The following FAF1 variants were observed in gnomAD, a reference collection of about 807,000 sequenced individuals.
FAF1 encodes FAS-associated factor 1.
Under a neutral mutation model 92.5 loss-of-function variants are expected in FAF1, and 25 were observed. The ratio of observed to expected loss-of-function variants is 0.27; its 90% CI spans 0.20 to 0.38. The LOEUF (loss-of-function observed/expected upper bound fraction) is 0.38, where lower values mean the gene tolerates loss of function less well. FAF1 is among the 10% of genes least tolerant of loss of function. FAF1 has a pLI of 1.00. For synonymous variants in FAF1, 234 were observed against 273.2 expected (o/e 0.86, Z 1.42); for missense variants, 636 against 793.3 (o/e 0.80, Z 2.38).
intron 15 of FAF1, among the ~76,000 whole-genome samples, chr1:50,520,683 C>T (rs1647453478): frequency 6.6e-6 from 1 of 152,198 alleles, no homozygotes; most frequent in Admixed American, 6.5e-5. Flanking sequence ...CCCAACTCTA[C>T]TAAAAATACA....
At chr1:50,636,529 T>G (rs76908108) in intron 8 of FAF1, among the ~76,000 whole-genome samples, 1 of 151,922 alleles carries the variant, frequency 6.6e-6, no homozygotes, top group Non-Finnish European at 1.5e-5. Context: ...AGGACTACTA[T>G]ACTTTTAGTA....
chr1:50,772,260 T>C (rs747258603), intron 4 of FAF1, among the ~76,000 whole-genome samples: 1 of 152,218 alleles, frequency 6.6e-6, no homozygotes, highest in African/African-American at 2.4e-5. Flanking sequence ...GAATGTAAAT[T>C]AGTTCAGCCT....
intron 4 of FAF1, among the ~76,000 whole-genome samples, chr1:50,785,832 ATC>A (rs1661340807): frequency 2.0e-5 from 3 of 152,210 alleles, no homozygotes; most frequent in African/African-American, 7.2e-5. Context: ...TCTATGAAAT[ATC>A]CACACTCCCA....
At chr1:50,622,183 AG>A (rs1653246974) in intron 8 of FAF1, among the ~76,000 whole-genome samples, 1 of 151,688 alleles carries the variant, frequency 6.6e-6, no homozygotes, top group African/African-American at 2.4e-5. Context: ...AAAAATAAAA[AG>A]AAAAAAAAAA....
intron 7 of FAF1, among the ~76,000 whole-genome samples, chr1:50,686,618 G>A (rs1192291502): frequency 1.4e-5 from 2 of 145,116 alleles, no homozygotes; most frequent in Admixed American, 7.0e-5. Context: ...AGGGAGGGGA[G>A]GGGAGCGGGG....
intron 4 of FAF1, among the ~76,000 whole-genome samples, chr1:50,746,726 T>A (rs1282273365): frequency 1.3e-5 from 2 of 152,110 alleles, no homozygotes; most frequent in African/African-American, 4.8e-5. Flanking sequence ...GAAGTTTACA[T>A]AAGTAAAGAA....
intron 1 of FAF1, among the ~76,000 whole-genome samples, chr1:50,930,377 T>C (rs1044844046): frequency 6.6e-6 from 1 of 152,064 alleles, no homozygotes; most frequent in Non-Finnish European, 1.5e-5. Flanking sequence ...CAGGAAACAA[T>C]GTGTAGTGGA....
At chr1:50,777,014 C>G (rs1035801256) in intron 4 of FAF1, among the ~76,000 whole-genome samples, 2 of 151,976 alleles carry the variant, frequency 1.3e-5, no homozygotes, top group Non-Finnish European at 2.9e-5. Context: ...AATCCTAGCA[C>G]TTTGGGAGAC....
chr1:50,701,681 C>A (rs1657481086), intron 7 of FAF1, among the ~76,000 whole-genome samples: 1 of 152,058 alleles, frequency 6.6e-6, no homozygotes, highest in Non-Finnish European at 1.5e-5. Flanking sequence ...CATTATTTAG[C>A]CCAGATTATT....
At chr1:50,696,389 C>T (rs975845300) in intron 7 of FAF1, among the ~76,000 whole-genome samples, 2 of 152,212 alleles carry the variant, frequency 1.3e-5, no homozygotes, top group Admixed American at 1.3e-4. Context: ...GTTCCTGTCT[C>T]AGCTTCTTCT....
chr1:50,671,404 C>CAAAAA (rs548995973), intron 7 of FAF1, among the ~76,000 whole-genome samples: 1 of 119,804 alleles, frequency 8.3e-6, no homozygotes. Flanking sequence ...GACTCCGTCT[C>CAAAAA]AAAAAAAAAA....
At chr1:50,890,078 G>C (rs528708350) in intron 1 of FAF1, among the ~76,000 whole-genome samples, 1 of 152,314 alleles carries the variant, frequency 6.6e-6, no homozygotes, top group African/African-American at 2.4e-5. Flanking sequence ...ATTTAGGATA[G>C]TTAGCTCTTC....
Position 50,567,241 on chromosome 1 carries a change from G to A in FAF1, c.1114-10C>T. On this transcript the variant is annotated splice_polypyrimidine_tract_variant and intron_variant, in intron 12 of 18. Coordinates refer to ENST00000396153, the MANE Select transcript of FAF1 (RefSeq NM_007051.3). Reference sequence around the variant, plus strand: ...TAGCAAGAAGCTTTCTCTGAAAAGAGGAGAAAAATCTGATCAATTAAAATA... The same window carrying A: ...TAGCAAGAAGCTTTCTCTGAAAAGAAGAGAAAAATCTGATCAATTAAAATA... 6.3e-7 allele frequency: 1 copy of A among 1,578,896 alleles called. No individual in the cohort carries two copies. Among genetic ancestry groups the A allele is most frequent in the Non-Finnish European group, 8.6e-7 (1 of 1,162,592 alleles).
chr1:50,766,691 A>G (rs1188666186), intron 4 of FAF1, among the ~76,000 whole-genome samples: 1 of 151,916 alleles, frequency 6.6e-6, no homozygotes, highest in Non-Finnish European at 1.5e-5. Context: ...AACAACTCCA[A>G]AGGAAGGGAA....
chr1:50,714,347 T>TAA (rs76296489), intron 6 of FAF1, among the ~76,000 whole-genome samples: 8 of 134,604 alleles, frequency 5.9e-5, no homozygotes, highest in African/African-American at 1.1e-4. Context: ...TACTAAAAAT[T>TAA]AAAAAAAAAA....
chr1:50,768,773 A>G (rs1161267623), intron 4 of FAF1, among the ~76,000 whole-genome samples: 1 of 152,160 alleles, frequency 6.6e-6, no homozygotes, highest in Non-Finnish European at 1.5e-5. Context: ...ACTCTGGGAC[A>G]CAGCTTAAGC....
At chr1:50,811,680 G>A (rs1643916187) in intron 2 of FAF1, among the ~76,000 whole-genome samples, 1 of 152,128 alleles carries the variant, frequency 6.6e-6, no homozygotes, top group Non-Finnish European at 1.5e-5. Flanking sequence ...AACTACCAAG[G>A]ACATTCTTCA....
chr1:50,543,693 G>C (rs950263487), intron 13 of FAF1, among the ~76,000 whole-genome samples: 3 of 151,172 alleles, frequency 2.0e-5, no homozygotes, highest in African/African-American at 7.3e-5. Flanking sequence ...AGCTCTATGA[G>C]ACTTTATTTT....
intron 7 of FAF1, among the ~76,000 whole-genome samples, chr1:50,676,502 A>T (rs532297226): frequency 1.3e-5 from 2 of 152,030 alleles, no homozygotes; most frequent in African/African-American, 4.8e-5. Context: ...TTTCAATGTA[A>T]CAATCACCCT....
Sources: allele counts gnomAD v4.1 joint callset (sites outside exome capture counted in the v4.1 genomes callset), GRCh38; gene constraint gnomAD v4.1.1; transcripts MANE v1.5; gene names NCBI Gene and HGNC (gene_info 2026-07-23, HGNC 2026-07-21).